The following PIGU variants were observed in gnomAD, a reference collection of about 807,000 sequenced individuals.
The protein encoded by PIGU is phosphatidylinositol glycan anchor biosynthesis class U.
In PIGU, 24 loss-of-function variants were observed where a neutral mutation model predicts 49.9. The observed-to-expected ratio is 0.48, with a 90% CI of 0.35 to 0.68. PIGU has a LOEUF of 0.68. PIGU is among the 30% of genes least tolerant of loss of function. The pLI is 0.01. For synonymous variants in PIGU, 220 were observed against 205.7 expected (o/e 1.07, Z -0.59); for missense variants, 490 against 532.6 (o/e 0.92, Z 0.79).
chr20:34,645,266 GT>G lies in PIGU; in HGVS notation c.255+8del. 6.4e-7 allele frequency: 1 copy of G among 1,560,910 alleles called. No homozygotes were observed. Among genetic ancestry groups the G allele is most frequent in the Non-Finnish European group, 8.6e-7 (1 of 1,161,372 alleles). On this transcript the variant is annotated splice_region_variant and intron_variant, in intron 3 of 11. Coordinates refer to ENST00000217446, the MANE Select transcript of PIGU (RefSeq NM_080476.5). ...TATACATATCAATTTTATATGGAAG[GT>G]TACTTACCATAAACACCAATTCAGC...
At chr20:34,634,771 A>G in intron 5 of PIGU, 56 bp from the exon 6 acceptor site, 1 of 1,586,864 alleles carries the variant, frequency 6.3e-7, no homozygotes, top group Non-Finnish European at 8.6e-7. Context: ...AGCCCTCGCC[A>G]TTACAGCAAG....
chr20:34,594,853 G>A (rs1408753543), intron 7 of PIGU, among the ~76,000 whole-genome samples: 3 of 152,216 alleles, frequency 2.0e-5, no homozygotes, highest in Middle Eastern at 3.4e-3. Context: ...AGCACTTTGG[G>A]AGGCTGAGGC....
intron 2 of PIGU, among the ~76,000 whole-genome samples, chr20:34,653,968 C>A (rs971566723): frequency 1.3e-5 from 2 of 151,730 alleles, no homozygotes; most frequent in African/African-American, 4.8e-5. Flanking sequence ...CGCCATTCTC[C>A]TGCCTCAGCC....
In PIGU at chr20:34,585,558, G is replaced by A. The variant is rs1983665825; in HGVS notation, c.805C>T (p.Pro269Ser). The A allele has an allele frequency of 6.2e-7, 1 of 1,613,584 alleles. No individual in the cohort carries two copies. The highest frequency in any genetic ancestry group is 1.1e-5 in the South Asian group (1 of 91,076). ...GFILSVPDLTPNIGLFWYFFA... is the reference protein window; with the variant it reads ...GFILSVPDLTSNIGLFWYFFA... ...AAGTACCAGAAAAGACCAATGTTTG[G>A]AGTGAGATCTGGAACAGAAAGTCTG... is the stretch of plus-strand genomic sequence containing the variant. Residue 269 changes from proline to serine, a missense_variant, in exon 9 of 12, where the codon CCA (proline) becomes TCA (serine). Transcript: ENST00000217446.
rs1039967800 is a variant in PIGU at position 34,601,303 on chromosome 20, G to A, written c.628-12696C>T. Among the ~76,000 whole-genome samples the A allele has an allele frequency of 2.6e-5, 4 of 152,192 alleles. No individual in the cohort carries two copies. In the East Asian group the frequency reaches 5.8e-4, roughly 22 times the overall value. On this transcript the variant is annotated intron_variant, in intron 7 of 11. Transcript: ENST00000217446. ...ATGGTTTTGGAGTCAAGGTTTGCTT[G>A]GGGAACAGGGCCCTAAAACGATAAA...
At chr20:34,649,589 C>T (rs1355715120) in intron 2 of PIGU, among the ~76,000 whole-genome samples, 5 of 150,766 alleles carry the variant, frequency 3.3e-5, no homozygotes, top group Admixed American at 6.6e-5. Context: ...GGCGTGATCT[C>T]GGCTCACTGC....
chr20:34,585,683 A>C lies in PIGU; in HGVS notation c.783-103T>G, dbSNP rs560985717. ...GACTTTGGTCACTGCTGGGCAGCCAAGGACGACTTTCTCCCTAGAGAGATC... is the reference window on the plus strand; with the variant it reads ...GACTTTGGTCACTGCTGGGCAGCCACGGACGACTTTCTCCCTAGAGAGATC... On this transcript the variant is annotated intron_variant, in intron 8 of 11. Transcript: ENST00000217446. 2.6e-5 allele frequency: 35 copies of C among 1,333,500 alleles called. No homozygotes were observed. The African/African-American group carries it at 4.1e-4, about 16-fold the overall frequency. The allele number at this position is 1,333,500 out of a possible 1,614,324, so 82.6% of individuals were successfully genotyped here.
chr20:34,582,795 C>G (rs1983537374), intron 9 of PIGU, among the ~76,000 whole-genome samples: 1 of 152,154 alleles, frequency 6.6e-6, no homozygotes, highest in Non-Finnish European at 1.5e-5. Context: ...GTCTCCAGAG[C>G]TCTTAATCAC....
At chr20:34,595,231 C>A (rs1984156865) in intron 7 of PIGU, among the ~76,000 whole-genome samples, 1 of 151,826 alleles carries the variant, frequency 6.6e-6, no homozygotes, top group Non-Finnish European at 1.5e-5. Context: ...ATGGGTTCCA[C>A]ATCTATGGAT....
chr20:34,560,542 T>A lies in PIGU; in HGVS notation c.*324A>T. ...GTGCAATGCAGATGTGGTCTCAGGG[T>A]AGACTTCATAACAAAAAACATTTAT... On this transcript the variant is annotated 3_prime_UTR_variant, in exon 12 of 12. Coordinates refer to ENST00000217446, the MANE Select transcript of PIGU (RefSeq NM_080476.5). 3.4e-6 allele frequency: 1 copy of A among 294,718 alleles called. No homozygotes were observed. The highest frequency in any genetic ancestry group is 6.3e-6 in the Non-Finnish European group (1 of 159,036). 18.3% of individuals were successfully genotyped at this position (294,718 alleles called of 1,614,324 possible).
intron 7 of PIGU, among the ~76,000 whole-genome samples, chr20:34,589,688 G>C (rs148930865): frequency 9.0e-6 from 1 of 111,240 alleles, no homozygotes; most frequent in Non-Finnish European, 1.7e-5. Flanking sequence ...ACAGAGTTTC[G>C]CTCGTTGCCC....
intron 6 of PIGU, among the ~76,000 whole-genome samples, chr20:34,618,074 T>C (rs1985077846): frequency 1.3e-5 from 2 of 152,108 alleles, no homozygotes; most frequent in Admixed American, 1.3e-4. Flanking sequence ...CTTTCGTAAA[T>C]TGCCCAGTCT....
At chr20:34,651,596 T>C (rs1986543695) in intron 2 of PIGU, among the ~76,000 whole-genome samples, 1 of 152,128 alleles carries the variant, frequency 6.6e-6, no homozygotes, top group South Asian at 2.1e-4. Flanking sequence ...GGTCTGCTAC[T>C]GCAAGCCCGT....
At chr20:34,631,640 G>A (rs745610692) in intron 6 of PIGU, among the ~76,000 whole-genome samples, 18 of 127,724 alleles carry the variant, frequency 1.4e-4, no homozygotes, top group Non-Finnish European at 3.0e-4. Flanking sequence ...TGCAAGCTCC[G>A]CCTCCTGGGT....
chr20:34,616,606 C>T (rs6088542), intron 6 of PIGU, among the ~76,000 whole-genome samples: 59,831 of 151,824 alleles, frequency 0.39, 12,299 homozygotes, highest in Admixed American at 0.55. Context: ...ATTTAGGTCA[C>T]GTTTTTTCTT....
At chr20:34,594,320 T>C (rs750705771) in intron 7 of PIGU, among the ~76,000 whole-genome samples, 1 of 152,216 alleles carries the variant, frequency 6.6e-6, no homozygotes, top group South Asian at 2.1e-4. Flanking sequence ...TTGCAAAATA[T>C]TGTAAGCAAT....
Position 34,637,798 on chromosome 20 carries a change from A to T in PIGU, c.428+78T>A, listed in dbSNP as rs1053384277. 8.8e-6 allele frequency: 14 copies of T among 1,585,128 alleles called. No individual in the cohort carries two copies. The African/African-American group carries it at 1.9e-4, about 22-fold the overall frequency. Reference sequence around the variant, plus strand: ...AAGATTGCAAATCTCCAAAAATACAACAAACAACATGGGAAAGTCTCATCA... The same window carrying T: ...AAGATTGCAAATCTCCAAAAATACATCAAACAACATGGGAAAGTCTCATCA... On this transcript the variant is annotated intron_variant, in intron 5 of 11. Coordinates refer to ENST00000217446, the MANE Select transcript of PIGU (RefSeq NM_080476.5).
chr20:34,662,114 C>A (rs1241093186), intron 1 of PIGU, among the ~76,000 whole-genome samples: 1 of 152,128 alleles, frequency 6.6e-6, no homozygotes, highest in Non-Finnish European at 1.5e-5. Context: ...GCTCTATTGC[C>A]CAGGTTGAAG....
chr20:34,562,570 A>C, intron 11 of PIGU: 1 of 1,288,824 alleles, frequency 7.8e-7, no homozygotes, highest in Non-Finnish European at 1.0e-6. Flanking sequence ...GCCCATCTGG[A>C]AGGTTGAACA....
Sources: gnomAD v4.1 joint callset for allele counts (sites outside exome capture counted in the v4.1 genomes callset) on GRCh38, gnomAD v4.1.1 for gene constraint, MANE v1.5 for transcripts, NCBI Gene and HGNC (gene_info 2026-07-23, HGNC 2026-07-21) for gene names.